Variants in TMCC3 observed in about 807,000 individuals in gnomAD.
The protein encoded by TMCC3 is transmembrane and coiled-coil domain family 3, also known as transmembrane and coiled-coil domain protein 3.
Under a neutral mutation model 40.2 loss-of-function variants are expected in TMCC3, and 28 were observed. The observed-to-expected ratio is 0.70, with a 90% CI of 0.52 to 0.95. The LOEUF (loss-of-function observed/expected upper bound fraction) is 0.95. Ranked by LOEUF, TMCC3 falls within the 40% of genes least tolerant of loss-of-function variation. TMCC3 has a pLI of 0.00. For synonymous variants in TMCC3, 255 were observed against 248.5 expected, an observed-to-expected ratio of 1.03 and a Z score of -0.25; for missense variants, 554 against 615.2, an observed-to-expected ratio of 0.90 and a Z score of 1.05.
At chr12:94,576,194 G>C (rs955476434) in intron 3 of TMCC3, among the ~76,000 whole-genome samples, 5 of 152,138 alleles carry the variant, frequency 3.3e-5, no homozygotes, top group African/African-American at 1.2e-4. Flanking sequence ...TTTGAGATGC[G>C]GTCTCTGGGG....
intron 1 of TMCC3, chr12:94,590,673 G>C (rs1467152027): frequency 2.7e-5 from 7 of 260,164 alleles, no homozygotes; most frequent in African/African-American, 1.2e-4. Context: ...GCTCAGCATG[G>C]CCCCACAGTG....
At position 94,574,587 on chromosome 12, in the gene TMCC3, C is replaced by T. The variant is rs1025859435; in HGVS notation, c.1132-2850G>A. 3.3e-5 allele frequency among the ~76,000 whole-genome samples: 5 copies of T among 152,264 alleles called. No homozygotes were observed. The South Asian group carries it at 8.3e-4, about 25-fold the overall frequency. On this transcript the variant is annotated intron_variant, in intron 3 of 3. Coordinates refer to ENST00000261226, the MANE Select transcript of TMCC3 (RefSeq NM_020698.4). Reference sequence around the variant, plus strand: ...ATGGCTCCAAGATTGATTTGCTTTTCTTCTGCTGAATAACTCTATGGGCCA... The same window carrying T: ...ATGGCTCCAAGATTGATTTGCTTTTTTTCTGCTGAATAACTCTATGGGCCA...
At chr12:94,581,419 G>A (rs2068600219) in intron 2 of TMCC3, among the ~76,000 whole-genome samples, 1 of 152,040 alleles carries the variant, frequency 6.6e-6, no homozygotes, top group Admixed American at 6.5e-5. Context: ...CATATTTATT[G>A]AAAATGTAAC....
chr12:94,583,437 G>C (rs1361901749), intron 1 of TMCC3, among the ~76,000 whole-genome samples: 1 of 151,734 alleles, frequency 6.6e-6, no homozygotes, highest in African/African-American at 2.4e-5. Context: ...CCGGAAGGTG[G>C]AGGTTGCAGT....
At chr12:94,596,291 T>C (rs1594278439) in intron 1 of TMCC3, among the ~76,000 whole-genome samples, 1 of 152,214 alleles carries the variant, frequency 6.6e-6, no homozygotes, top group East Asian at 1.9e-4. Context: ...TCAAATAAGT[T>C]ATGGTGACAG....
chr12:94,588,758 C>A (rs1234826391), intron 1 of TMCC3, among the ~76,000 whole-genome samples: 2 of 152,174 alleles, frequency 1.3e-5, no homozygotes, highest in African/African-American at 2.4e-5. Context: ...CTTGTCCAAT[C>A]CACGGCCCAG....
chr12:94,595,079 C>T (rs7305110), intron 1 of TMCC3, among the ~76,000 whole-genome samples: 34,220 of 151,944 alleles, frequency 0.23, 4,095 homozygotes, highest in Non-Finnish European at 0.24. Context: ...CTTTTTGCCT[C>T]GGATGCTAGG....
chr12:94,579,623 C>T (rs191921969), intron 2 of TMCC3, among the ~76,000 whole-genome samples: 14 of 152,352 alleles, frequency 9.2e-5, no homozygotes, highest in Admixed American at 3.3e-4. Context: ...CTTTGATCAA[C>T]GCCAATTTCA....
At chr12:94,634,553 C>T (rs1566335849) in intron 1 of TMCC3, among the ~76,000 whole-genome samples, 1 of 152,168 alleles carries the variant, frequency 6.6e-6, no homozygotes, top group Non-Finnish European at 1.5e-5. Flanking sequence ...ACTTCAAAAA[C>T]TTTCTTGGTA....
intron 1 of TMCC3, among the ~76,000 whole-genome samples, chr12:94,603,161 C>T (rs371143767): frequency 2.6e-5 from 4 of 152,134 alleles, no homozygotes; most frequent in Admixed American, 6.5e-5. Flanking sequence ...CTCGGTTCAC[C>T]GCAACCTCTG....
intron 1 of TMCC3, among the ~76,000 whole-genome samples, chr12:94,604,642 CAAAAAAAAA>C (rs62951060): frequency 8.6e-6 from 1 of 116,092 alleles, no homozygotes. Context: ...CCATCTCTAC[CAAAAAAAAA>C]AAAAAAAAAT....
At chr12:94,625,548 C>T (rs374609919) in intron 1 of TMCC3, among the ~76,000 whole-genome samples, 115 of 147,368 alleles carry the variant, frequency 7.8e-4, no homozygotes, top group Middle Eastern at 3.6e-3. Context: ...GAGCAGAAAT[C>T]GTGCCACTGC....
Position 94,569,150 on chromosome 12 carries a change from C to G in TMCC3, c.*2285G>C, listed in dbSNP as rs1245337333. ...TCAAGGGTTAGACATCTCTCCTTCT[C>G]TAAACTAACAGCAGCACTCAATCCC... On this transcript the variant is annotated 3_prime_UTR_variant, in exon 4 of 4. Transcript: ENST00000261226. 1 of 152,278 alleles carries G rather than the reference C, an allele frequency of 6.6e-6. No homozygotes were observed. Among genetic ancestry groups the G allele is most frequent in the Non-Finnish European group, 1.5e-5 (1 of 68,086 alleles). The allele number at this position is 152,278 out of a possible 1,614,324, so 9.4% of individuals were successfully genotyped here. A position where few individuals can be genotyped will look rare whatever the true frequency, so the allele number is the denominator to read the frequency against.
rs1018263842 is a variant in TMCC3, at chr12:94,568,767, T to C, written c.*2668A>G. Reference sequence around the variant, plus strand: ...TTTCAACAAGACTGCAAAATAAATATGCCAGGTAGGTTGAGCCTATCCAAG... The same window carrying C: ...TTTCAACAAGACTGCAAAATAAATACGCCAGGTAGGTTGAGCCTATCCAAG... On this transcript the variant is annotated 3_prime_UTR_variant, in exon 4 of 4. Coordinates refer to ENST00000261226, the MANE Select transcript of TMCC3 (RefSeq NM_020698.4). 6.6e-6 allele frequency: 1 copy of C among 152,184 alleles called. No homozygotes were observed. The highest frequency in any genetic ancestry group is 1.9e-4 in the East Asian group (1 of 5,198). The allele number at this position is 152,184 out of a possible 1,614,324, so 9.4% of individuals were successfully genotyped here. A position where few individuals can be genotyped will look rare whatever the true frequency, so the allele number is the denominator to read the frequency against.
chr12:94,576,431 A>G (rs2068565211), intron 3 of TMCC3, among the ~76,000 whole-genome samples: 1 of 152,244 alleles, frequency 6.6e-6, no homozygotes, highest in Non-Finnish European at 1.5e-5. Context: ...GGAGAAAATG[A>G]CTACTGTCCA....
In TMCC3 at chr12:94,582,221, C is replaced by T. The variant is rs1321985424; in HGVS notation, c.396G>A (p.Lys132=). 1.9e-6 allele frequency: 3 copies of T among 1,613,994 alleles called. No individual in the cohort carries two copies. ...SAHSIAQLQK[K]LEQYHRKLRE... Reference sequence around the variant, plus strand: ...TGAGCTTTCGATGATACTGCTCTAACTTCTTCTGCAGCTGGGCGATGGAGT... The same window carrying T: ...TGAGCTTTCGATGATACTGCTCTAATTTCTTCTGCAGCTGGGCGATGGAGT... The change falls in exon 2 of 4, where the codon AAG becomes AAA. Residue 132 remains lysine (K), a synonymous_variant. Coordinates refer to ENST00000261226, the MANE Select transcript of TMCC3 (RefSeq NM_020698.4).
intron 1 of TMCC3, among the ~76,000 whole-genome samples, chr12:94,627,882 A>G (rs2068912002): frequency 6.6e-6 from 1 of 152,242 alleles, no homozygotes; most frequent in Non-Finnish European, 1.5e-5. Context: ...ACCAGAATAC[A>G]TATTCCACAA....
chr12:94,599,051 T>C (rs1056536158), intron 1 of TMCC3, among the ~76,000 whole-genome samples: 5 of 152,114 alleles, frequency 3.3e-5, no homozygotes, highest in African/African-American at 1.2e-4. Flanking sequence ...CATAAGTTAG[T>C]GGTTAAAGGC....
At position 94,642,672 on chromosome 12, in the gene TMCC3, GC is replaced by G. The variant is rs2068996977; in HGVS notation, c.78+7680del. On this transcript the variant is annotated intron_variant, in intron 1 of 3. Coordinates refer to ENST00000261226, the MANE Select transcript of TMCC3 (RefSeq NM_020698.4). ...GTTGGAAATCACACCCACGGTCTCT[GC>G]TCAATTGCAGCTCCTGCAATGGCCA... is the stretch of plus-strand genomic sequence containing the variant. Among the ~76,000 whole-genome samples the G allele has an allele frequency of 2.0e-5, 3 of 152,358 alleles. No individual in the cohort carries two copies. In the South Asian group the frequency reaches 6.2e-4, roughly 32 times the overall value.
Sources: gnomAD v4.1 joint callset for allele counts (sites outside exome capture counted in the v4.1 genomes callset) on GRCh38, gnomAD v4.1.1 for gene constraint, MANE v1.5 for transcripts, NCBI Gene and HGNC (gene_info 2026-07-23, HGNC 2026-07-21) for gene names.